Variants in OLFM2 observed in about 807,000 individuals in gnomAD.
OLFM2 encodes olfactomedin 2, also known as noelin-2.
Under a neutral mutation model 43.9 loss-of-function variants are expected in OLFM2, and 20 were observed. The observed-to-expected ratio is 0.46, with a 90% CI of 0.32 to 0.66. The LOEUF (loss-of-function observed/expected upper bound fraction) is 0.66, where lower values mean the gene tolerates loss of function less well. Among genes scored for constraint, OLFM2 ranks in the 30% least tolerant of loss-of-function variants. The probability of loss-of-function intolerance (pLI) is 0.04; values close to 1 mark genes in which losing one functional copy is unlikely to be tolerated. For synonymous variants in OLFM2, 268 were observed against 278.6 expected (o/e 0.96, Z 0.38); for missense variants, 416 against 643.6 (o/e 0.65, Z 3.83).
intron 1 of OLFM2, among the ~76,000 whole-genome samples, chr19:9,869,264 G>A (rs912904339): frequency 6.6e-6 from 1 of 152,122 alleles, no homozygotes; most frequent in African/African-American, 2.4e-5. Context: ...AGGATTCCAC[G>A]TGATGTCACC....
At chr19:9,880,976 C>A (rs951178913) in intron 1 of OLFM2, among the ~76,000 whole-genome samples, 3 of 152,166 alleles carry the variant, frequency 2.0e-5, no homozygotes, top group African/African-American at 4.8e-5. Context: ...AGGCTCACTG[C>A]AGCCTCTGCC....
intron 1 of OLFM2, among the ~76,000 whole-genome samples, chr19:9,904,253 G>C (rs1267971739): frequency 6.6e-6 from 1 of 150,876 alleles, no homozygotes; most frequent in South Asian, 2.1e-4. Flanking sequence ...TGCAGGGGCA[G>C]GATCTCGGCT....
Position 9,857,865 on chromosome 19 carries a change from G to A in OLFM2, c.214-4C>T. ...TGGACTGGGAGACGTTCTGGACCTA[G>A]GAATGGGGACAACTGAAGGGACCAG... On this transcript the variant is annotated splice_region_variant and splice_polypyrimidine_tract_variant and intron_variant, in intron 2 of 5. Transcript: ENST00000264833. The surrounding 1 kb of genome is among the most constrained non-coding windows in gnomAD (Gnocchi z 5.7). 2 of 1,613,940 alleles carry A rather than the reference G, an allele frequency of 1.2e-6. No individual in the cohort carries two copies. Among genetic ancestry groups the A allele is most frequent in the South Asian group, 2.2e-5 (2 of 91,064 alleles).
chr19:9,893,658 G>A (rs2046657106), intron 1 of OLFM2, among the ~76,000 whole-genome samples: 1 of 152,146 alleles, frequency 6.6e-6, no homozygotes, highest in Non-Finnish European at 1.5e-5. Context: ...CTTCTCACGT[G>A]TGGAGCACTT....
intron 1 of OLFM2, among the ~76,000 whole-genome samples, chr19:9,885,809 G>A (rs2046581572): frequency 6.6e-6 from 1 of 151,990 alleles, no homozygotes; most frequent in African/African-American, 2.4e-5. Context: ...TCAATTATGT[G>A]CTCCACAGTC....
rs118051920 is a variant in OLFM2 at position 9,918,650 on chromosome 19, C to T, written c.63+17654G>A. 4.4e-3 allele frequency among the ~76,000 whole-genome samples: 667 copies of T among 152,248 alleles called. 1 individual carries two copies. The highest frequency in any genetic ancestry group is 6.5e-3 in the Non-Finnish European group (441 of 68,006). On this transcript the variant is annotated intron_variant, in intron 1 of 5. Transcript: ENST00000264833. ...AACTGGTGAGTGAATAAACAAATTG[C>T]GGTACATCCATACAATGGAATGCCA...
chr19:9,894,013 C>T (rs569284570), intron 1 of OLFM2, among the ~76,000 whole-genome samples: 114 of 152,120 alleles, frequency 7.5e-4, no homozygotes, highest in Non-Finnish European at 1.2e-3. Flanking sequence ...TTTTCTTGGT[C>T]GGGCATGGTG....
chr19:9,918,457 G>A (rs2086399667), intron 1 of OLFM2, among the ~76,000 whole-genome samples: 1 of 152,148 alleles, frequency 6.6e-6, no homozygotes, highest in African/African-American at 2.4e-5. Context: ...CTCCCAAAAT[G>A]CTGGGATTGT....
intron 1 of OLFM2, among the ~76,000 whole-genome samples, chr19:9,913,279 T>C (rs377139398): frequency 2.6e-5 from 4 of 152,034 alleles, no homozygotes; most frequent in African/African-American, 9.7e-5. Flanking sequence ...CGGAGGTGGC[T>C]AGGGGTCCCG....
chr19:9,892,438 C>T (rs1332166565), intron 1 of OLFM2, among the ~76,000 whole-genome samples: 7 of 152,122 alleles, frequency 4.6e-5, no homozygotes, highest in Admixed American at 4.6e-4. Context: ...TGGCTGTGTG[C>T]GGTGCCTCAC....
intron 1 of OLFM2, among the ~76,000 whole-genome samples, chr19:9,924,536 G>A (rs1039491383): frequency 1.3e-5 from 2 of 152,116 alleles, no homozygotes; most frequent in Admixed American, 1.3e-4. Flanking sequence ...TGGGATTATG[G>A]GCGTGAGCCA....
At chr19:9,926,483 C>T (rs1599504133) in intron 1 of OLFM2, among the ~76,000 whole-genome samples, 2 of 150,456 alleles carry the variant, frequency 1.3e-5, no homozygotes, top group African/African-American at 4.9e-5. Context: ...ATCTGGGAGG[C>T]GGAGCTTGCA....
intron 1 of OLFM2, among the ~76,000 whole-genome samples, chr19:9,862,945 C>A (rs183834025): frequency 3.3e-4 from 49 of 148,692 alleles, no homozygotes; most frequent in Admixed American, 1.1e-3. Flanking sequence ...GCCGAGATCA[C>A]ACCACTTTAC....
intron 5 of OLFM2, among the ~76,000 whole-genome samples, chr19:9,855,221 GT>G (rs2145427556): frequency 8.6e-6 from 1 of 115,886 alleles, no homozygotes; most frequent in African/African-American, 2.8e-5. Context: ...AGTGCTATTG[GT>G]CTTTTTTTTT....
At chr19:9,913,579 G>A (rs1019851150) in intron 1 of OLFM2, 4 of 1,293,500 alleles carry the variant, frequency 3.1e-6, no homozygotes, top group Non-Finnish European at 4.0e-6. Flanking sequence ...TGGCCATGGT[G>A]CTCAGCACGG....
intron 1 of OLFM2, among the ~76,000 whole-genome samples, chr19:9,908,461 C>T (rs1318239662): frequency 2.4e-4 from 29 of 122,534 alleles, no homozygotes; most frequent in African/African-American, 9.7e-4. Context: ...TCACACCTGG[C>T]TAATTTTTTT....
intron 1 of OLFM2, among the ~76,000 whole-genome samples, chr19:9,884,232 T>C (rs1243167994): frequency 6.9e-6 from 1 of 144,940 alleles, no homozygotes; most frequent in Non-Finnish European, 1.5e-5. Flanking sequence ...ATCATGCCAC[T>C]GCACTCCAGC....
chr19:9,882,005 C>G (rs182823594), intron 1 of OLFM2, among the ~76,000 whole-genome samples: 76 of 151,708 alleles, frequency 5.0e-4, no homozygotes, highest in Non-Finnish European at 8.8e-4. Flanking sequence ...GAGGCCGAGG[C>G]GGGTGGATGG....
At chr19:9,884,226 T>C (rs963277121) in intron 1 of OLFM2, among the ~76,000 whole-genome samples, 1 of 145,538 alleles carries the variant, frequency 6.9e-6, no homozygotes, top group Non-Finnish European at 1.5e-5. Context: ...GCTGTGATCA[T>C]GCCACTGCAC....
Sources: allele counts gnomAD v4.1 joint callset (sites outside exome capture counted in the v4.1 genomes callset), GRCh38; gene constraint gnomAD v4.1.1; non-coding constraint Gnocchi (gnomAD v3.1); transcripts MANE v1.5; gene names NCBI Gene and HGNC (gene_info 2026-07-23, HGNC 2026-07-21).